CNTNAP2: variants seen among roughly 807,000 people sequenced by gnomAD.
CNTNAP2 encodes contactin associated protein 2, also known as contactin-associated protein-like 2.
In CNTNAP2, 98 loss-of-function variants were observed where a neutral mutation model predicts 155.2. The observed-to-expected ratio is 0.63, with a 90% CI of 0.54 to 0.75. The LOEUF (loss-of-function observed/expected upper bound fraction) is 0.75, where lower values mean the gene tolerates loss of function less well. Ranked by LOEUF, CNTNAP2 falls within the 30% of genes least tolerant of loss-of-function variation. The pLI is 0.00. For synonymous variants in CNTNAP2, 651 were observed against 631.2 expected (o/e 1.03, Z -0.47); for missense variants, 1,727 against 1,688.1 (o/e 1.02, Z -0.40).
chr7:146,884,466 C>T (rs1345285685), intron 3 of CNTNAP2, among the ~76,000 whole-genome samples: 2 of 152,080 alleles, frequency 1.3e-5, no homozygotes, highest in African/African-American at 4.8e-5. Flanking sequence ...TTGGGCATCT[C>T]GAAACCTCCC....
At chr7:146,453,908 A>G (rs369351891) in intron 1 of CNTNAP2, among the ~76,000 whole-genome samples, 68 of 152,250 alleles carry the variant, frequency 4.5e-4, no homozygotes, top group African/African-American at 1.4e-3. Flanking sequence ...TCAGTGAGCT[A>G]TGGGGCAACT....
rs576906373 is a variant in CNTNAP2, at chr7:147,864,653, A to G, written c.2099-38912A>G. On this transcript the variant is annotated intron_variant, in intron 13 of 23. Coordinates refer to ENST00000361727, the MANE Select transcript of CNTNAP2 (RefSeq NM_014141.6). ...TGAAGAGGTCCTTCACATCCCTTGT[A>G]AGTTGGATTCCTGGGTATTTTATTT... 6.3e-4 allele frequency among the ~76,000 whole-genome samples: 96 copies of G among 152,170 alleles called. 1 individual carries two copies. Among genetic ancestry groups the G allele is most frequent in the Non-Finnish European group, 1.2e-3 (84 of 67,998 alleles).
At chr7:146,879,835 G>C (rs1795503974) in intron 3 of CNTNAP2, among the ~76,000 whole-genome samples, 1 of 152,080 alleles carries the variant, frequency 6.6e-6, no homozygotes, top group Admixed American at 6.6e-5. Flanking sequence ...ACTGGAGACT[G>C]GGTAATTTAT....
chr7:146,602,081 CTT>C (rs1288325190), intron 1 of CNTNAP2, among the ~76,000 whole-genome samples: 1 of 152,080 alleles, frequency 6.6e-6, no homozygotes, highest in Non-Finnish European at 1.5e-5. Flanking sequence ...TCAAAATTGA[CTT>C]GAGTTAAATA....
At chr7:148,031,057 A>T (rs1802468030) in intron 15 of CNTNAP2, among the ~76,000 whole-genome samples, 1 of 152,186 alleles carries the variant, frequency 6.6e-6, no homozygotes, top group African/African-American at 2.4e-5. Context: ...TCAAGCATGA[A>T]GTGAGCCAGA....
At chr7:146,581,233 T>C (rs1237854807) in intron 1 of CNTNAP2, among the ~76,000 whole-genome samples, 3 of 152,140 alleles carry the variant, frequency 2.0e-5, no homozygotes, top group Admixed American at 6.6e-5. Flanking sequence ...GACTAAAATG[T>C]ATGTTTCCAG....
At chr7:148,151,543 G>T (rs148194166) in intron 17 of CNTNAP2, among the ~76,000 whole-genome samples, 1 of 151,882 alleles carries the variant, frequency 6.6e-6, no homozygotes, top group East Asian at 1.9e-4. Flanking sequence ...TGATCTGCCC[G>T]CCTCAGCCTC....
chr7:147,891,806 C>G (rs188387248), intron 13 of CNTNAP2, among the ~76,000 whole-genome samples: 252 of 152,140 alleles, frequency 1.7e-3, no homozygotes, highest in Middle Eastern at 3.4e-3. Context: ...CATAGCCCCC[C>G]CTACCATTCT....
intron 2 of CNTNAP2, among the ~76,000 whole-genome samples, chr7:146,788,734 C>T (rs1802622110): frequency 6.6e-6 from 1 of 152,094 alleles, no homozygotes. Flanking sequence ...GCTTCCTGTC[C>T]TTTGGTAGTG....
chr7:147,354,215 C>A (rs1256239313), intron 9 of CNTNAP2, among the ~76,000 whole-genome samples: 1 of 152,152 alleles, frequency 6.6e-6, no homozygotes, highest in East Asian at 1.9e-4. Flanking sequence ...TTGCCCATGC[C>A]TATGTACTAA....
chr7:147,455,322 T>C (rs554709229), intron 10 of CNTNAP2, among the ~76,000 whole-genome samples: 13 of 152,228 alleles, frequency 8.5e-5, no homozygotes, highest in Admixed American at 3.3e-4. Context: ...GGTACAATTA[T>C]TACTAAAAAT....
At chr7:147,437,031 C>T (rs1797560217) in intron 10 of CNTNAP2, among the ~76,000 whole-genome samples, 1 of 151,536 alleles carries the variant, frequency 6.6e-6, no homozygotes, top group Non-Finnish European at 1.5e-5. Flanking sequence ...AGGAGGAAGC[C>T]TGTATAAAGT....
In CNTNAP2 at chr7:147,809,714, T is replaced by C. The variant is rs536552146; in HGVS notation, c.2099-93851T>C. 3.3e-5 allele frequency among the ~76,000 whole-genome samples: 5 copies of C among 152,370 alleles called. No individual in the cohort carries two copies. In the South Asian group the frequency reaches 1.0e-3, roughly 32 times the overall value. The stretch of plus-strand genomic sequence containing the variant: ...AGCAAGTTTATTTTTTGCTCCATAT[T>C]GTATTCTGGTGTGTTATGCTACAAT... On this transcript the variant is annotated intron_variant, in intron 13 of 23. Coordinates refer to ENST00000361727, the MANE Select transcript of CNTNAP2 (RefSeq NM_014141.6).
chr7:146,561,606 C>A (rs1285354678), intron 1 of CNTNAP2, among the ~76,000 whole-genome samples: 1 of 152,088 alleles, frequency 6.6e-6, no homozygotes, highest in African/African-American at 2.4e-5. Flanking sequence ...CTGAAGTGAG[C>A]AGTGATTGAA....
chr7:148,273,525 A>G (rs1796820173), intron 21 of CNTNAP2, among the ~76,000 whole-genome samples: 1 of 152,188 alleles, frequency 6.6e-6, no homozygotes, highest in Non-Finnish European at 1.5e-5. Context: ...CAAATTAACT[A>G]TTTCTGCCAT....
chr7:147,746,719 C>T (rs75208460), intron 13 of CNTNAP2, among the ~76,000 whole-genome samples: 27,491 of 151,956 alleles, frequency 0.18, 2,926 homozygotes, highest in Middle Eastern at 0.38. Context: ...CCACCCCAAC[C>T]CTGACTGCTG....
chr7:146,220,276 G>A (rs114061585), intron 1 of CNTNAP2, among the ~76,000 whole-genome samples: 2,721 of 76,126 alleles, frequency 0.036, 73 homozygotes, highest in African/African-American at 0.1. Context: ...TGAAGTATTG[G>A]GGAATGCATG....
In CNTNAP2 at chr7:146,968,330, G is replaced by C. The variant is rs574071801; in HGVS notation, c.403-75577G>C. Among the ~76,000 whole-genome samples, 414 of 152,154 alleles carry C rather than the reference G, an allele frequency of 2.7e-3. 1 individual carries two copies. The highest frequency in any genetic ancestry group is 4.6e-3 in the Non-Finnish European group (314 of 68,004). ...CAGGATAATGCTGGCCTCATAAAAT[G>C]AGTTAGGGAGGATTCCCTCTTTTTC... On this transcript the variant is annotated intron_variant, in intron 3 of 23. Coordinates refer to ENST00000361727, the MANE Select transcript of CNTNAP2 (RefSeq NM_014141.6).
At chr7:148,018,404 T>A (rs1285363806) in intron 15 of CNTNAP2, among the ~76,000 whole-genome samples, 2 of 152,212 alleles carry the variant, frequency 1.3e-5, no homozygotes, top group African/African-American at 4.8e-5. Context: ...AAATTTCATT[T>A]CTAAAGGATG....
Sources: gnomAD v4.1 joint callset for allele counts (sites outside exome capture counted in the v4.1 genomes callset) on GRCh38, gnomAD v4.1.1 for gene constraint, MANE v1.5 for transcripts, NCBI Gene and HGNC (gene_info 2026-07-23, HGNC 2026-07-21) for gene names.